Variants in ADRA1B observed in about 807,000 individuals in gnomAD.
ADRA1B encodes the protein adrenoceptor alpha 1B.
In ADRA1B, 17 loss-of-function variants were observed where a neutral mutation model predicts 17.9. The observed-to-expected ratio is 0.95, with a 90% CI of 0.65 to 1.42. ADRA1B has a LOEUF of 1.42. Among genes scored for constraint, ADRA1B ranks in the 40% most tolerant of loss-of-function variants. ADRA1B has a pLI of 0.00. For synonymous variants in ADRA1B, 366 were observed against 327.6 expected, an observed-to-expected ratio of 1.12 and a Z score of -1.27; for missense variants, 681 against 722.1, an observed-to-expected ratio of 0.94 and a Z score of 0.65.
chr5:159,975,421 G>A (rs550574533), downstream of ADRA1B, among the ~76,000 whole-genome samples: 4 of 152,316 alleles, frequency 2.6e-5, no homozygotes, highest in African/African-American at 9.6e-5. Flanking sequence ...AAATGGACAT[G>A]ATCATCACAG....
At chr5:159,945,089 A>G (rs891957651) in intron 1 of ADRA1B, among the ~76,000 whole-genome samples, 2 of 152,216 alleles carry the variant, frequency 1.3e-5, no homozygotes, top group African/African-American at 4.8e-5. Flanking sequence ...TAATTTTAAG[A>G]AAAAAGAGGG....
the ADRA1B span, among the ~76,000 whole-genome samples, chr5:159,985,190 A>G: frequency 6.6e-6 from 1 of 152,184 alleles, no homozygotes; most frequent in South Asian, 2.1e-4. Context: ...TCAGGACTCA[A>G]TAAGTGACCC....
At chr5:159,975,639 G>T (rs977520635), downstream of ADRA1B, among the ~76,000 whole-genome samples, 6 of 152,218 alleles carry the variant, frequency 3.9e-5, no homozygotes, top group African/African-American at 1.4e-4. Context: ...GGCGGTAGCA[G>T]CCTCCTGTTT....
intron 1 of ADRA1B, chr5:159,948,070 C>G: frequency 1.0e-6 from 1 of 985,446 alleles, no homozygotes. Context: ...AACTTGGAAT[C>G]CTGACTGCAG....
chr5:159,974,533 G>A (rs893154723), downstream of ADRA1B, among the ~76,000 whole-genome samples: 1 of 151,872 alleles, frequency 6.6e-6, no homozygotes, highest in Admixed American at 6.6e-5. Context: ...CTATTCGGGA[G>A]GCTGAGGCAG....
At chr5:159,968,572 C>T (rs1261114985) in intron 1 of ADRA1B, among the ~76,000 whole-genome samples, 2 of 152,194 alleles carry the variant, frequency 1.3e-5, no homozygotes, top group Non-Finnish European at 2.9e-5. Context: ...GATCTGCCCA[C>T]CTTCGCCTTC....
At chr5:159,865,629 G>A (rs534452045) in intron 1 of ADRA1B, among the ~76,000 whole-genome samples, 3 of 152,196 alleles carry the variant, frequency 2.0e-5, no homozygotes, top group South Asian at 2.1e-4. Flanking sequence ...CTGTAGTAGC[G>A]GCATTTTTGG....
At chr5:159,955,235 G>C in intron 1 of ADRA1B, 1 of 980,122 alleles carries the variant, frequency 1.0e-6, no homozygotes, top group Non-Finnish European at 1.2e-6. Context: ...GTCAAGGAAG[G>C]TATGAGTCCC....
downstream of ADRA1B, among the ~76,000 whole-genome samples, chr5:159,975,161 A>C (rs1040040153): frequency 5.9e-5 from 9 of 152,234 alleles, no homozygotes; most frequent in Admixed American, 3.9e-4. Flanking sequence ...ATCTTCTAAC[A>C]AATCTTACGC....
At chr5:159,979,772 G>T in the ADRA1B span, among the ~76,000 whole-genome samples, 4 of 152,072 alleles carry the variant, frequency 2.6e-5, no homozygotes, top group African/African-American at 4.8e-5. Flanking sequence ...GGAGGCTGAG[G>T]CAGGAGAGTC....
chr5:159,893,145 C>T (rs528376422), intron 1 of ADRA1B, among the ~76,000 whole-genome samples: 1 of 152,146 alleles, frequency 6.6e-6, no homozygotes, highest in East Asian at 1.9e-4. Context: ...GTCATGGTTT[C>T]CTGGAACTTA....
intron 1 of ADRA1B, among the ~76,000 whole-genome samples, chr5:159,866,295 G>GA (rs34220518): frequency 0.28 from 25,376 of 90,018 alleles, 2,892 homozygotes; most frequent in Middle Eastern, 0.35. Context: ...AACATAGTGA[G>GA]AAAAAAAAAA....
intron 1 of ADRA1B, among the ~76,000 whole-genome samples, chr5:159,899,279 G>GAAGGAAGA (rs752002800): frequency 0.079 from 10,828 of 137,564 alleles, 438 homozygotes; most frequent in African/African-American, 0.083. Context: ...AGGAAGGAAG[G>GAAGGAAGA]AAGGAAGGAA....
chr5:159,912,720 T>C (rs1219395524), upstream of ADRA1B, among the ~76,000 whole-genome samples: 1 of 152,270 alleles, frequency 6.6e-6, no homozygotes, highest in Non-Finnish European at 1.5e-5. Flanking sequence ...AGAACCTCTC[T>C]GAACGTCAGT....
Position 159,901,377 on chromosome 5 carries a change from AAGG to A in ADRA1B, c.-255-14716_-255-14714del, listed in dbSNP as rs1203694374. ...CCACTAGGATCACTACAAGAAGAGG[AAGG>A]AGGAGGAGGAGGAGGAGGAGGAGGA... On this transcript the variant is annotated intron_variant, in intron 1 of 2. Transcript: ENST00000641205. 3.5e-3 allele frequency among the ~76,000 whole-genome samples: 435 copies of A among 122,774 alleles called. 2 individuals are homozygous for A. Among genetic ancestry groups the A allele is most frequent in the African/African-American group, 8.2e-3 (262 of 31,926 alleles). 80.5% of individuals were successfully genotyped at this position (122,774 alleles called of 152,430 possible).
chr5:159,868,076 T>C (rs1159445171), intron 1 of ADRA1B: 1 of 152,212 alleles, frequency 6.6e-6, no homozygotes, highest in Non-Finnish European at 1.5e-5. Flanking sequence ...TTTAGGAAGA[T>C]GACTAACTTC....
chr5:159,950,367 T>C, intron 1 of ADRA1B: 3 of 596,572 alleles, frequency 5.0e-6, no homozygotes, highest in Non-Finnish European at 9.1e-6. Context: ...TCAGGGGGTC[T>C]GTATGGAAAC....
intron 1 of ADRA1B, among the ~76,000 whole-genome samples, chr5:159,901,328 C>G (rs1353213140): frequency 6.7e-6 from 1 of 149,214 alleles, no homozygotes; most frequent in Non-Finnish European, 1.5e-5. Flanking sequence ...TCTTCCAGCA[C>G]AGCCAAATAA....
chr5:159,899,144 C>CAGGA (rs910087875), intron 1 of ADRA1B, among the ~76,000 whole-genome samples: 11 of 145,308 alleles, frequency 7.6e-5, no homozygotes, highest in South Asian at 2.2e-4. Context: ...GAGACCCTGT[C>CAGGA]AGGAAGGAAG....
Sources: gnomAD v4.1 joint callset for allele counts (sites outside exome capture counted in the v4.1 genomes callset) on GRCh38, gnomAD v4.1.1 for gene constraint, MANE v1.5 for transcripts, NCBI Gene and HGNC (gene_info 2026-07-23, HGNC 2026-07-21) for gene names.